The following PAPPA2 variants were observed in gnomAD, a reference collection of about 807,000 sequenced individuals.
PAPPA2 encodes the protein pappalysin 2, also known as pappalysin-2.
PAPPA2 carries 86 observed loss-of-function variants against 176.4 expected under a neutral mutation model. That is an observed-to-expected ratio of 0.49 (90% CI 0.41 to 0.58). The LOEUF (loss-of-function observed/expected upper bound fraction) is 0.58. Ranked by LOEUF, PAPPA2 falls within the 20% of genes least tolerant of loss-of-function variation. The pLI is 0.00. For missense variants in PAPPA2, 2,073 were observed against 2,256.9 expected, an observed-to-expected ratio of 0.92 and a Z score of 1.65; for synonymous variants, 809 against 852.2, an observed-to-expected ratio of 0.95 and a Z score of 0.88.
chr1:176,786,260 A>G (rs1664930718), intron 17 of PAPPA2, among the ~76,000 whole-genome samples: 1 of 152,232 alleles, frequency 6.6e-6, no homozygotes, highest in African/African-American at 2.4e-5. Context: ...GGGAAAGAAG[A>G]AACTTACTAA....
chr1:176,764,821 C>T (rs1458434208), intron 14 of PAPPA2, among the ~76,000 whole-genome samples: 3 of 152,196 alleles, frequency 2.0e-5, no homozygotes, highest in Non-Finnish European at 4.4e-5. Flanking sequence ...CAGTCTCTAT[C>T]TCCTGACCTC....
At chr1:176,595,687 A>G (rs1653940842) in intron 3 of PAPPA2, 92 bp downstream of exon 3, 1 of 1,236,876 alleles carries the variant, frequency 8.1e-7, no homozygotes, top group Non-Finnish European at 1.1e-6. Flanking sequence ...GTGTTCACAC[A>G]CTCCCTGAAT....
intron 21 of PAPPA2, among the ~76,000 whole-genome samples, chr1:176,838,806 T>C (rs1191082687): frequency 6.6e-6 from 1 of 152,222 alleles, no homozygotes; most frequent in Non-Finnish European, 1.5e-5. Context: ...TATGCAGCTG[T>C]GTGGCAGCTG....
chr1:176,791,984 A>G (rs942225214), intron 19 of PAPPA2, among the ~76,000 whole-genome samples: 1 of 152,208 alleles, frequency 6.6e-6, no homozygotes, highest in African/African-American at 2.4e-5. Flanking sequence ...TATGGTTTGT[A>G]GCTCCAAGAT....
At chr1:176,670,718 G>A (rs1186428190) in intron 3 of PAPPA2, among the ~76,000 whole-genome samples, 2 of 152,292 alleles carry the variant, frequency 1.3e-5, no homozygotes, top group African/African-American at 4.8e-5. Context: ...TGAGTATGAT[G>A]TCAAATATGG....
At chr1:176,545,909 A>T (rs1650608412) in intron 1 of PAPPA2, among the ~76,000 whole-genome samples, 1 of 152,172 alleles carries the variant, frequency 6.6e-6, no homozygotes. Context: ...TAATGCACAC[A>T]TGGGTCTCCC....
At chr1:176,639,833 A>G (rs1418399795) in intron 3 of PAPPA2, among the ~76,000 whole-genome samples, 2 of 151,288 alleles carry the variant, frequency 1.3e-5, no homozygotes, top group Non-Finnish European at 2.9e-5. Flanking sequence ...ATTGCTTTTC[A>G]TGTACTTGGT....
At chr1:176,498,477 C>T (rs1407897104) in intron 1 of PAPPA2, among the ~76,000 whole-genome samples, 5 of 152,084 alleles carry the variant, frequency 3.3e-5, no homozygotes, top group African/African-American at 9.7e-5. Context: ...TGGCCGGGCA[C>T]GGTGGCTCAC....
chr1:176,699,598 G>T lies in PAPPA2; in HGVS notation c.3236+9G>T. 2 of 1,591,688 alleles carry T rather than the reference G, an allele frequency of 1.3e-6. No homozygotes were observed. Among genetic ancestry groups the T allele is most frequent in the South Asian group, 1.1e-5 (1 of 88,554 alleles). The stretch of plus-strand genomic sequence containing the variant: ...AGGAAGTTCACGGACGTGTGAGTTT[G>T]GTAGCATGACTATGGGGCTTCCTGA... On this transcript the variant is annotated intron_variant, in intron 8 of 22. Transcript: ENST00000367662.
intron 3 of PAPPA2, 117 bp from the exon 4 acceptor site, chr1:176,670,853 C>A: frequency 7.6e-7 from 1 of 1,314,654 alleles, no homozygotes; most frequent in Non-Finnish European, 1.1e-6. Flanking sequence ...TGCCCCATGC[C>A]CCTCCAAAAG....
intron 14 of PAPPA2, among the ~76,000 whole-genome samples, chr1:176,756,939 T>G (rs1039620980): frequency 2.6e-5 from 4 of 152,208 alleles, no homozygotes; most frequent in African/African-American, 9.6e-5. Context: ...CTCCCACTTA[T>G]GAGTGAGAAC....
intron 3 of PAPPA2, among the ~76,000 whole-genome samples, chr1:176,668,155 A>G (rs1248849719): frequency 6.6e-6 from 1 of 152,222 alleles, no homozygotes; most frequent in Non-Finnish European, 1.5e-5. Context: ...GGGGCAGAAC[A>G]GCTTGATATG....
At chr1:176,513,685 A>T (rs1648746944) in intron 1 of PAPPA2, among the ~76,000 whole-genome samples, 1 of 152,138 alleles carries the variant, frequency 6.6e-6, no homozygotes, top group African/African-American at 2.4e-5. Context: ...AAAATGAGAG[A>T]GTTGAATTCT....
At chr1:176,516,274 C>CT (rs201764654) in intron 1 of PAPPA2, among the ~76,000 whole-genome samples, 2,273 of 140,756 alleles carry the variant, frequency 0.016, 24 homozygotes, top group Middle Eastern at 0.029. Flanking sequence ...GAGTTTAATT[C>CT]TTTTTTTTTT....
chr1:176,617,565 A>C (rs1243206916), intron 3 of PAPPA2, among the ~76,000 whole-genome samples: 1 of 152,148 alleles, frequency 6.6e-6, no homozygotes, highest in African/African-American at 2.4e-5. Context: ...CTTCACTTAG[A>C]ATAATGATCT....
At position 176,620,501 on chromosome 1, in the gene PAPPA2, C is replaced by A. The variant is rs142201653; in HGVS notation, c.1991+24906C>A. Reference sequence around the variant, plus strand: ...CATTTCTTCTATAATTATATACTTTCTTAATCAAGAACTAATAGTAAATAA... The same window carrying A: ...CATTTCTTCTATAATTATATACTTTATTAATCAAGAACTAATAGTAAATAA... On this transcript the variant is annotated intron_variant, in intron 3 of 22. Transcript: ENST00000367662. 6.0e-3 allele frequency among the ~76,000 whole-genome samples: 911 copies of A among 152,254 alleles called. 3 individuals carry two copies. Among genetic ancestry groups the A allele is most frequent in the Non-Finnish European group, 9.8e-3 (667 of 68,026 alleles).
chr1:176,594,100 T>A (rs529034554), intron 2 of PAPPA2, among the ~76,000 whole-genome samples: 1 of 152,306 alleles, frequency 6.6e-6, no homozygotes, highest in East Asian at 1.9e-4. Flanking sequence ...GAGATGGCTG[T>A]CATTTGCAAA....
intron 12 of PAPPA2, among the ~76,000 whole-genome samples, chr1:176,735,757 ATCTC>A (rs1369958694): frequency 6.6e-6 from 1 of 150,994 alleles, no homozygotes; most frequent in African/African-American, 2.4e-5. Context: ...CTGTCTGTCT[ATCTC>A]TATCTGTCTA....
intron 2 of PAPPA2, among the ~76,000 whole-genome samples, chr1:176,571,644 G>A (rs240096): frequency 0.84 from 128,089 of 152,184 alleles, 54,173 homozygotes; most frequent in East Asian, 0.98. Context: ...ATTCTAGTCC[G>A]TGCAAACTCT....
Sources: allele counts gnomAD v4.1 joint callset (sites outside exome capture counted in the v4.1 genomes callset), GRCh38; gene constraint gnomAD v4.1.1; transcripts MANE v1.5; gene names NCBI Gene and HGNC (gene_info 2026-07-23, HGNC 2026-07-21).